Variants in SPEN observed in about 807,000 individuals in gnomAD.
The protein encoded by SPEN is msx2-interacting protein.
In SPEN, 18 loss-of-function variants were observed where a neutral mutation model predicts 269.9. The ratio of observed to expected loss-of-function variants is 0.07; its 90% CI spans 0.05 to 0.10. The LOEUF (loss-of-function observed/expected upper bound fraction) is 0.10, where lower values mean the gene tolerates loss of function less well. Among genes scored for constraint, SPEN ranks in the 10% least tolerant of loss-of-function variants. The probability of loss-of-function intolerance (pLI) is 1.00; values close to 1 mark genes in which losing one functional copy is unlikely to be tolerated. For missense variants in SPEN, 3,822 were observed against 4,631.2 expected, an observed-to-expected ratio of 0.83 and a Z score of 5.07; for synonymous variants, 1,726 against 1,765.7, an observed-to-expected ratio of 0.98 and a Z score of 0.56.
At chr1:15,926,108 AT>A (rs2071163682) in intron 10 of SPEN, among the ~76,000 whole-genome samples, 1 of 152,166 alleles carries the variant, frequency 6.6e-6, no homozygotes, top group African/African-American at 2.4e-5. Flanking sequence ...ATAAGTACAT[AT>A]AATAGGCCAG....
rs373706472 is a variant in SPEN, at chr1:15,889,414, C to A, written c.881+12736C>A. Among the ~76,000 whole-genome samples, 7 of 152,070 alleles carry A rather than the reference C, an allele frequency of 4.6e-5. No individual in the cohort carries two copies. In the East Asian group the frequency reaches 1.4e-3, roughly 29 times the overall value. On this transcript the variant is annotated intron_variant, in intron 3 of 14. Coordinates refer to ENST00000375759, the MANE Select transcript of SPEN (RefSeq NM_015001.3). The stretch of plus-strand genomic sequence containing the variant: ...CTCCTGACCTCCAGTGATCTGCCCA[C>A]CTCAACCTCCCAAAGTGCTGGGATT...
intron 3 of SPEN, among the ~76,000 whole-genome samples, chr1:15,908,085 A>G (rs2070976881): frequency 6.6e-6 from 1 of 152,154 alleles, no homozygotes; most frequent in Non-Finnish European, 1.5e-5. Context: ...TTTATTCATT[A>G]GTCCTTCAGT....
intron 3 of SPEN, among the ~76,000 whole-genome samples, chr1:15,906,448 C>A (rs1445727293): frequency 1.6e-5 from 2 of 124,032 alleles, no homozygotes; most frequent in East Asian, 2.2e-4. Context: ...TCTTTTCTTT[C>A]TTTCCTTTTT....
intron 3 of SPEN, among the ~76,000 whole-genome samples, chr1:15,879,675 A>ATTTTTTT: frequency 6.8e-6 from 1 of 147,986 alleles, no homozygotes; most frequent in South Asian, 2.1e-4. Flanking sequence ...CAGCAGACAA[A>ATTTTTTT]TTTTTTTTTT....
intron 3 of SPEN, among the ~76,000 whole-genome samples, chr1:15,885,813 T>C (rs1341170250): frequency 6.6e-6 from 1 of 152,216 alleles, no homozygotes; most frequent in Non-Finnish European, 1.5e-5. Flanking sequence ...AAAAACCCTT[T>C]TTTTCCCATC....
At chr1:15,864,873 GGGTGGGGA>G (rs1410362081) in intron 1 of SPEN, among the ~76,000 whole-genome samples, 2 of 151,660 alleles carry the variant, frequency 1.3e-5, no homozygotes, top group African/African-American at 4.8e-5. Context: ...GAAGGGGGTA[GGGTGGGGA>G]GGTGGGGAGG....
intron 2 of SPEN, chr1:15,873,610 A>G: frequency 2.0e-6 from 2 of 994,330 alleles, no homozygotes; most frequent in Non-Finnish European, 2.4e-6. Flanking sequence ...GATTGTAACA[A>G]AAAATCTGGC....
At chr1:15,938,144 C>T (rs2071296590) in intron 13 of SPEN, 138 bp downstream of exon 13, 2 of 839,258 alleles carry the variant, frequency 2.4e-6, no homozygotes, top group African/African-American at 1.7e-5. Context: ...GTCTCTGTCG[C>T]CTGGGCTGGA....
At chr1:15,879,272 T>A (rs951479171) in intron 3 of SPEN, among the ~76,000 whole-genome samples, 3 of 151,502 alleles carry the variant, frequency 2.0e-5, no homozygotes, top group African/African-American at 7.3e-5. Context: ...GCCCAGGAGG[T>A]GGAGGTTGCA....
Position 15,926,617 on chromosome 1 carries a change from G to A in SPEN, c.1851-1474G>A, listed in dbSNP as rs191484546. Among the ~76,000 whole-genome samples the A allele has an allele frequency of 6.4e-3, 969 of 151,582 alleles. 7 individuals are homozygous for A. The highest frequency in any genetic ancestry group is 0.021 in the Middle Eastern group (6 of 286). ...CAAATAGTTGAGTGCTATGAGCCAA[G>A]TGCTGTTGTAAGAGCTAGAGAAATT... On this transcript the variant is annotated intron_variant, in intron 10 of 14. Transcript: ENST00000375759.
At chr1:15,916,605 G>A (rs1260585598) in intron 6 of SPEN, among the ~76,000 whole-genome samples, 1 of 150,560 alleles carries the variant, frequency 6.6e-6, no homozygotes, top group Non-Finnish European at 1.5e-5. Flanking sequence ...CAACCTCCTG[G>A]GCTCAAGTGA....
Position 15,848,116 on chromosome 1 carries a change from G to A in SPEN, c.49G>A (p.Val17Met). The A allele has an allele frequency of 1.3e-6, 2 of 1,502,186 alleles. No individual in the cohort carries two copies. The highest frequency in any genetic ancestry group is 1.8e-6 in the Non-Finnish European group (2 of 1,118,166). 93.1% of individuals were successfully genotyped at this position (1,502,186 alleles called of 1,614,324 possible). A position where few individuals can be genotyped will look rare whatever the true frequency, so the allele number is the denominator to read the frequency against. The change falls in exon 1 of 15, where the codon GTG becomes ATG. Residue 17 changes from valine (V) to methionine (M), a missense_variant. Physicochemically the swap from Val to Met is conservative, Grantham distance 21. Around this residue, in one of 16 missense-constraint regions of SPEN, gnomAD observed 51 missense variants for 56.1 expected, o/e 0.91. Transcript: ENST00000375759. This position sits in a 1 kb window ranked among gnomAD's most constrained non-coding sequence, Gnocchi z 5.1. Reference protein sequence around the residue: ...HLWVGNLPENVREEKIIEHFK... With the variant: ...HLWVGNLPENMREEKIIEHFK... ...CTGGGTGGGCAACTTACCCGAGAAC[G>A]TGCGGGAAGAGAAGATCATCGAGCA...
chr1:15,929,720 C>T lies in SPEN; in HGVS notation c.3480C>T (p.Gly1160=), dbSNP rs148562896. ...CAGTAAATACTGAAGAAAAAATTGG[C>T]ATTGACATCGATCACACGCAGAGTT... ...SHSVNTEEKI[G]IDIDHTQSYR... The change falls in exon 11 of 15, where the codon GGC becomes GGT. Residue 1160 remains glycine, a synonymous_variant. Coordinates refer to ENST00000375759, the MANE Select transcript of SPEN (RefSeq NM_015001.3). The surrounding 1 kb of genome is among the most constrained non-coding windows in gnomAD (Gnocchi z 5.8). 2,764 of 1,613,938 alleles carry T rather than the reference C, an allele frequency of 1.7e-3. 7 individuals carry two copies. The highest frequency in any genetic ancestry group is 2.2e-3 in the Non-Finnish European group (2,613 of 1,179,966).
intron 5 of SPEN, 122 bp from the exon 6 acceptor site, chr1:15,916,006 T>C: frequency 8.8e-7 from 1 of 1,134,600 alleles, no homozygotes; most frequent in South Asian, 1.8e-5. Context: ...TTTCAGTTTA[T>C]GTGAGTATTC....
chr1:15,930,343 G>T lies in SPEN; in HGVS notation c.4103G>T (p.Arg1368Met), dbSNP rs768354975. Reference protein sequence around the residue: ...SIIKRDSLRKRSVRDLEPGEV... With the variant: ...SIIKRDSLRKMSVRDLEPGEV... ...ATTAAGAGAGATAGCCTTCGAAAAA[G>T]GTCTGTACGAGATCTGGAACCTGGT... Residue 1368 changes from arginine to methionine, a missense_variant, in exon 11 of 15, where the codon AGG (arginine) becomes ATG (methionine). Arg to Met is a moderately conservative substitution (Grantham distance 91). Coordinates refer to ENST00000375759, the MANE Select transcript of SPEN (RefSeq NM_015001.3). This position sits in a 1 kb window ranked among gnomAD's most constrained non-coding sequence, Gnocchi z 5.3. 1.9e-6 allele frequency: 3 copies of T among 1,613,690 alleles called. No homozygotes were observed. The highest frequency in any genetic ancestry group is 1.1e-5 in the South Asian group (1 of 91,044).
Position 15,938,119 on chromosome 1 carries a change from G to C in SPEN, c.10704+113G>C, listed in dbSNP as rs969041805. 1.6e-5 allele frequency: 16 copies of C among 995,346 alleles called. No individual in the cohort carries two copies. In the East Asian group the frequency reaches 2.3e-4, roughly 14 times the overall value. The allele number at this position is 995,346 out of a possible 1,614,324, so 61.7% of individuals were successfully genotyped here. A position where few individuals can be genotyped will look rare whatever the true frequency, so the allele number is the denominator to read the frequency against. The stretch of plus-strand genomic sequence containing the variant: ...TCATGGAAGCATTAACTGTATTCTT[G>C]TTGTTGTTGAAACAGTCTCTGTCGC... On this transcript the variant is annotated intron_variant, in intron 13 of 14. Coordinates refer to ENST00000375759, the MANE Select transcript of SPEN (RefSeq NM_015001.3).
chr1:15,924,414 T>A (rs946703380), intron 10 of SPEN, among the ~76,000 whole-genome samples: 1 of 152,216 alleles, frequency 6.6e-6, no homozygotes, highest in Non-Finnish European at 1.5e-5. Flanking sequence ...GAGGGTTGAA[T>A]AATGTAATGT....
At chr1:15,879,254 T>C (rs1448381402) in intron 3 of SPEN, among the ~76,000 whole-genome samples, 1 of 151,964 alleles carries the variant, frequency 6.6e-6, no homozygotes, top group African/African-American at 2.4e-5. Flanking sequence ...GGCAGAAGAA[T>C]AGCTTGAGCC....
At position 15,876,363 on chromosome 1, in the gene SPEN, G is replaced by A. The variant is rs746614090; in HGVS notation, c.566G>A (p.Arg189Gln). ...GGGCTCTATTACGCTTCTCGGAGTC[G>A]AAGTCCAAATCGCTTTGATGCTCAT... ...QHGLYYASRSRSPNRFDAHDP... is the reference protein window; with the variant it reads ...QHGLYYASRSQSPNRFDAHDP... The change falls in exon 3 of 15, where the codon CGA becomes CAA. Residue 189 changes from arginine to glutamine, a missense_variant. Arg to Gln is a conservative substitution (Grantham distance 43). This residue lies in a region of SPEN where 327 missense variants were observed against 350.8 expected (regional missense o/e 0.93). Coordinates refer to ENST00000375759, the MANE Select transcript of SPEN (RefSeq NM_015001.3). 6.2e-6 allele frequency: 10 copies of A among 1,614,018 alleles called. No individual in the cohort carries two copies. Among genetic ancestry groups the A allele is most frequent in the African/African-American group, 1.3e-5 (1 of 75,000 alleles).
Sources: allele counts gnomAD v4.1 joint callset (sites outside exome capture counted in the v4.1 genomes callset), GRCh38; gene constraint gnomAD v4.1.1; regional missense constraint gnomAD v4.1.1; non-coding constraint Gnocchi (gnomAD v3.1); transcripts MANE v1.5; gene names NCBI Gene and HGNC (gene_info 2026-07-23, HGNC 2026-07-21).